TENM3: variants seen among roughly 807,000 people sequenced by gnomAD.
TENM3 encodes teneurin transmembrane protein 3.
TENM3 carries 63 observed loss-of-function variants against 255.1 expected under a neutral mutation model. That is an observed-to-expected ratio of 0.25 (90% CI 0.20 to 0.30). The LOEUF (loss-of-function observed/expected upper bound fraction) is 0.30. TENM3 is among the 10% of genes least tolerant of loss of function. The pLI is 1.00. For synonymous variants in TENM3, 1,306 were observed against 1,322.3 expected (o/e 0.99, Z 0.27); for missense variants, 2,929 against 3,461.1 (o/e 0.85, Z 3.86).
At chr4:181,485,413 T>C in the TENM3 span, among the ~76,000 whole-genome samples, 1 of 152,144 alleles carries the variant, frequency 6.6e-6, no homozygotes, top group Non-Finnish European at 1.5e-5. Context: ...GAAAGAAGAT[T>C]CCTGCTGACG....
At chr4:181,657,902 T>C in the TENM3 span, among the ~76,000 whole-genome samples, 4 of 152,184 alleles carry the variant, frequency 2.6e-5, no homozygotes, top group Non-Finnish European at 2.9e-5. Context: ...ACAAAAATAC[T>C]GTGTGTTCTC....
the TENM3 span, among the ~76,000 whole-genome samples, chr4:182,076,163 G>A: frequency 6.6e-6 from 1 of 151,132 alleles, no homozygotes; most frequent in Admixed American, 6.6e-5. Flanking sequence ...AAAGTGCTGG[G>A]ATTATAGGCA....
At chr4:182,389,518 G>A (rs890198032) in intron 3 of TENM3, among the ~76,000 whole-genome samples, 3 of 152,062 alleles carry the variant, frequency 2.0e-5, no homozygotes, top group Non-Finnish European at 4.4e-5. Context: ...GCCATTTTAG[G>A]TCAGCGTATG....
the TENM3 span, among the ~76,000 whole-genome samples, chr4:182,126,983 C>T: frequency 2.0e-5 from 3 of 152,072 alleles, no homozygotes; most frequent in African/African-American, 4.8e-5. Flanking sequence ...CTTCTTAAGG[C>T]GTAGCATGCA....
chr4:182,398,174 G>A (rs1043172173), intron 3 of TENM3, among the ~76,000 whole-genome samples: 5 of 152,146 alleles, frequency 3.3e-5, no homozygotes, highest in Non-Finnish European at 7.3e-5. Context: ...GATCGCTCGC[G>A]TGGAGGGGAC....
the TENM3 span, among the ~76,000 whole-genome samples, chr4:181,991,897 T>C: frequency 6.6e-6 from 1 of 152,038 alleles, no homozygotes; most frequent in African/African-American, 2.4e-5. Flanking sequence ...CTACTAAAAA[T>C]CCTTAGATTT....
the TENM3 span, among the ~76,000 whole-genome samples, chr4:181,885,496 C>T: frequency 6.6e-6 from 1 of 152,054 alleles, no homozygotes; most frequent in Admixed American, 6.6e-5. Context: ...CTCTTGACCT[C>T]GTGATCTGCC....
intron 3 of TENM3, among the ~76,000 whole-genome samples, chr4:182,359,297 C>G (rs1473613472): frequency 6.6e-6 from 1 of 152,150 alleles, no homozygotes; most frequent in East Asian, 1.9e-4. Flanking sequence ...AGGAATGGTA[C>G]CAGTTCCTCC....
intron 4 of TENM3, among the ~76,000 whole-genome samples, chr4:182,606,610 G>T (rs1338383539): frequency 6.6e-6 from 1 of 151,164 alleles, no homozygotes; most frequent in African/African-American, 2.4e-5. Context: ...TGTGTCTCCA[G>T]CAGCATTACA....
At chr4:182,369,794 T>C (rs1436937495) in intron 3 of TENM3, among the ~76,000 whole-genome samples, 2 of 151,940 alleles carry the variant, frequency 1.3e-5, no homozygotes, top group African/African-American at 4.8e-5. Flanking sequence ...GGCAGGGGAA[T>C]TGCTCGAACC....
intron 24 of TENM3, among the ~76,000 whole-genome samples, chr4:182,783,875 C>T (rs1191838488): frequency 1.3e-5 from 2 of 151,820 alleles, no homozygotes; most frequent in Non-Finnish European, 2.9e-5. Context: ...GCATTCTTCA[C>T]GTAGTTCTCG....
the TENM3 span, among the ~76,000 whole-genome samples, chr4:181,766,954 C>A: frequency 6.6e-6 from 1 of 152,070 alleles, no homozygotes; most frequent in South Asian, 2.1e-4. Flanking sequence ...ATCAGAAATT[C>A]AAAACTTAAA....
the TENM3 span, among the ~76,000 whole-genome samples, chr4:181,475,829 A>C: frequency 1.3e-5 from 2 of 152,252 alleles, no homozygotes; most frequent in African/African-American, 2.4e-5. Flanking sequence ...ATTATCCTTC[A>C]AACTGAATGT....
At chr4:182,299,994 C>A (rs1054374701) in intron 1 of TENM3, among the ~76,000 whole-genome samples, 12 of 151,476 alleles carry the variant, frequency 7.9e-5, no homozygotes, top group Admixed American at 1.3e-4. Context: ...TGGCTTAATG[C>A]GGCCTCTGCC....
the TENM3 span, among the ~76,000 whole-genome samples, chr4:181,854,924 T>A: frequency 6.6e-6 from 1 of 152,182 alleles, no homozygotes; most frequent in African/African-American, 2.4e-5. Context: ...GATTGGAATA[T>A]TGGCAAGAAT....
chr4:181,490,470 G>T, the TENM3 span, among the ~76,000 whole-genome samples: 1 of 151,772 alleles, frequency 6.6e-6, no homozygotes, highest in Non-Finnish European at 1.5e-5. Context: ...AACAGTATCT[G>T]TTTTTTTTCT....
At chr4:181,688,366 T>G in the TENM3 span, among the ~76,000 whole-genome samples, 1 of 152,318 alleles carries the variant, frequency 6.6e-6, no homozygotes, top group African/African-American at 2.4e-5. Context: ...TTTGATTTTT[T>G]TATAGCAATA....
chr4:182,102,475 G>A, the TENM3 span, among the ~76,000 whole-genome samples: 19 of 152,276 alleles, frequency 1.2e-4, no homozygotes, highest in African/African-American at 4.6e-4. Flanking sequence ...TATTTGGGAT[G>A]TCCCGTCTAA....
At chr4:181,470,127 A>AAAAAAAAAAAAAAAAG in the TENM3 span, among the ~76,000 whole-genome samples, 1 of 138,958 alleles carries the variant, frequency 7.2e-6, no homozygotes, top group African/African-American at 2.7e-5. Flanking sequence ...AAAAAAAAAC[A>AAAAAAAAAAAAAAAAG]TTATTCAAAA....
Sources: gnomAD v4.1 joint callset for allele counts (sites outside exome capture counted in the v4.1 genomes callset) on GRCh38, gnomAD v4.1.1 for gene constraint, MANE v1.5 for transcripts, NCBI Gene and HGNC (gene_info 2026-07-23, HGNC 2026-07-21) for gene names.